The following MIS18BP1 variants were observed in gnomAD, a reference collection of about 807,000 sequenced individuals.
The protein encoded by MIS18BP1 is mis18-binding protein 1.
MIS18BP1 carries 72 observed loss-of-function variants against 116.1 expected under a neutral mutation model. That is an observed-to-expected ratio of 0.62 (90% CI 0.51 to 0.75). MIS18BP1 has a LOEUF of 0.75. Ranked by LOEUF, MIS18BP1 falls within the 30% of genes least tolerant of loss-of-function variation. The pLI is 0.00. For missense variants in MIS18BP1, 1,363 were observed against 1,303.2 expected, an observed-to-expected ratio of 1.05 and a Z score of -0.71; for synonymous variants, 386 against 427.0, an observed-to-expected ratio of 0.90 and a Z score of 1.18.
At chr14:45,251,912 CTTG>C (rs2139266564) in intron 1 of MIS18BP1, among the ~76,000 whole-genome samples, 1 of 152,266 alleles carries the variant, frequency 6.6e-6, no homozygotes, top group South Asian at 2.1e-4. Context: ...CCACTTCTAA[CTTG>C]TTTTTTCCTA....
chr14:45,206,456 T>A (rs1890520651), intron 14 of MIS18BP1: 1 of 248,074 alleles, frequency 4.0e-6, no homozygotes, highest in African/African-American at 2.3e-5. Flanking sequence ...CTGGCTAATC[T>A]TTGTATTTTT....
At position 45,224,215 on chromosome 14, in the gene MIS18BP1, G is replaced by C. The variant is rs767879421; in HGVS notation, c.2372C>G (p.Thr791Ser). 9 of 1,613,714 alleles carry C rather than the reference G, an allele frequency of 5.6e-6. No individual in the cohort carries two copies. Among genetic ancestry groups the C allele is most frequent in the Non-Finnish European group, 7.6e-6 (9 of 1,179,986 alleles). The change falls in exon 11 of 17, where the codon ACC becomes AGC. Residue 791 changes from threonine to serine, a missense_variant. Coordinates refer to ENST00000310806, the MANE Select transcript of MIS18BP1 (RefSeq NM_018353.5). ...TGCTTCTTTGGTGTTTCCTGCTTTG[G>C]TTTTCTTAACTTCAGCTTTCCTTTT... ...EIKRKAEVKK[T>S]KAGNTKEAVV...
chr14:45,218,803 T>G lies in MIS18BP1; in HGVS notation c.2670-349A>C, dbSNP rs145641502. 5.8e-4 allele frequency among the ~76,000 whole-genome samples: 88 copies of G among 152,212 alleles called. 2 individuals are homozygous for G. The East Asian group carries it at 0.015, about 26-fold the overall frequency. ...GAGATTTTGGCATGACCAAATTTTC[T>G]TCACTGTTACCTTAAATCTTATTGG... is the stretch of plus-strand genomic sequence containing the variant. On this transcript the variant is annotated intron_variant, in intron 11 of 16. Transcript: ENST00000310806.
chr14:45,209,177 C>T (rs1012766513), intron 14 of MIS18BP1, among the ~76,000 whole-genome samples: 2 of 151,646 alleles, frequency 1.3e-5, no homozygotes, highest in African/African-American at 4.9e-5. Flanking sequence ...CAATTATACA[C>T]ACACACACAC....
At position 45,242,291 on chromosome 14, in the gene MIS18BP1, T is replaced by G; in HGVS notation, c.886A>C (p.Lys296Gln). 1.2e-6 allele frequency: 2 copies of G among 1,614,116 alleles called. No homozygotes were observed. Among genetic ancestry groups the G allele is most frequent in the Non-Finnish European group, 1.7e-6 (2 of 1,180,014 alleles). The part of the protein sequence containing the change: ...ETLSTNCIPI[K>Q]NGSLLMVSDS... ...GAAACCATTAACAGGCTGCCATTTT[T>G]AATAGGAATACAATTAGTACTGAGA... The change falls in exon 4 of 17, where the codon AAA (lysine) becomes CAA (glutamine). Residue 296 changes from lysine to glutamine, a missense_variant. Coordinates refer to ENST00000310806, the MANE Select transcript of MIS18BP1 (RefSeq NM_018353.5).
chr14:45,213,653 C>G (rs1487976310), intron 13 of MIS18BP1, among the ~76,000 whole-genome samples: 2 of 152,122 alleles, frequency 1.3e-5, no homozygotes, highest in Non-Finnish European at 2.9e-5. Flanking sequence ...ATCAACAGAA[C>G]AAAACAAAAC....
intron 13 of MIS18BP1, among the ~76,000 whole-genome samples, chr14:45,212,567 T>C (rs896221589): frequency 6.6e-6 from 1 of 152,120 alleles, no homozygotes; most frequent in Non-Finnish European, 1.5e-5. Flanking sequence ...AAGCAATCTC[T>C]CAATAAACAG....
At chr14:45,207,595 G>A (rs1186489764) in intron 14 of MIS18BP1, among the ~76,000 whole-genome samples, 1 of 152,120 alleles carries the variant, frequency 6.6e-6, no homozygotes, top group East Asian at 1.9e-4. Flanking sequence ...AGGCGGTAGT[G>A]AGCCGAGATT....
At chr14:45,207,425 C>T (rs1291585961) in intron 14 of MIS18BP1, among the ~76,000 whole-genome samples, 1 of 152,074 alleles carries the variant, frequency 6.6e-6, no homozygotes, top group African/African-American at 2.4e-5. Context: ...CTGAGGCTGG[C>T]GGATTACCTG....
intron 6 of MIS18BP1, among the ~76,000 whole-genome samples, chr14:45,234,953 C>G (rs770836426): frequency 3.3e-5 from 5 of 152,136 alleles, no homozygotes; most frequent in Non-Finnish European, 5.9e-5. Flanking sequence ...CACAGTGGCT[C>G]ATGCCAGTAA....
chr14:45,247,554 T>C (rs549466151), intron 1 of MIS18BP1, among the ~76,000 whole-genome samples, 177 bp from the exon 2 acceptor site: 1 of 151,994 alleles, frequency 6.6e-6, no homozygotes, highest in African/African-American at 2.4e-5. Context: ...ACAAAAGAGC[T>C]GGGTGTGATG....
At chr14:45,234,351 TAAA>T (rs1008586070) in intron 6 of MIS18BP1, among the ~76,000 whole-genome samples, 2 of 131,140 alleles carry the variant, frequency 1.5e-5, no homozygotes, top group Non-Finnish European at 3.3e-5. Context: ...AAAAGAGAAA[TAAA>T]AAAAAAAAGG....
Position 45,246,966 on chromosome 14 carries a change from GTTTGC to G in MIS18BP1, c.316_320del (p.Ala106LeufsTer2). The stretch of plus-strand genomic sequence containing the variant: ...GAAATATTTTTCCTGGTGATTCATA[GTTTGC>G]TTTATTTTTTAATCCATCCTTGTTG... On this transcript the variant is annotated frameshift_variant, in exon 2 of 17. Transcript: ENST00000310806. LOFTEE classifies it high-confidence loss of function. The G allele has an allele frequency of 6.2e-7, 1 of 1,609,010 alleles. No homozygotes were observed. Among genetic ancestry groups the G allele is most frequent in the Non-Finnish European group, 8.5e-7 (1 of 1,178,830 alleles).
In MIS18BP1 at chr14:45,210,509, C is replaced by T; in HGVS notation, c.3023G>A (p.Ser1008Asn). The T allele has an allele frequency of 6.2e-7, 1 of 1,613,976 alleles. No individual in the cohort carries two copies. Among genetic ancestry groups the T allele is most frequent in the Non-Finnish European group, 8.5e-7 (1 of 1,179,930 alleles). Residue 1008 changes from serine to asparagine, a missense_variant, in exon 14 of 17, where the codon AGT becomes AAT. Transcript: ENST00000310806. ...TGGCAGAATATCATCATCATCTTCA[C>T]TGTCCTGGAAACTTGGCAACTAGAA... The part of the protein sequence containing the change: ...QRILLPSFQD[S>N]EDDDDILPNM...
intron 1 of MIS18BP1, among the ~76,000 whole-genome samples, chr14:45,247,812 T>G (rs1379255410): frequency 6.6e-6 from 1 of 152,182 alleles, no homozygotes; most frequent in Non-Finnish European, 1.5e-5. Context: ...GGCAGTTAAA[T>G]TTTAAGGCAG....
At chr14:45,235,669 CCA>C in intron 6 of MIS18BP1, 143 bp downstream of exon 6, 2 of 503,582 alleles carry the variant, frequency 4.0e-6, no homozygotes, top group Non-Finnish European at 6.2e-6. Flanking sequence ...AAAAAAATTA[CCA>C]GTTTTATATA....
At chr14:45,218,891 A>G (rs1347595089) in intron 11 of MIS18BP1, among the ~76,000 whole-genome samples, 1 of 129,598 alleles carries the variant, frequency 7.7e-6, no homozygotes, top group Admixed American at 8.0e-5. Flanking sequence ...TAAGCTATTA[A>G]AAAGTGTTAT....
intron 15 of MIS18BP1, 148 bp from the exon 16 acceptor site, chr14:45,204,601 G>A: frequency 1.8e-6 from 1 of 555,198 alleles, no homozygotes. Context: ...TCTGTGAAAT[G>A]CATAATTCTC....
At chr14:45,223,708 A>G (rs1211719574) in intron 11 of MIS18BP1, among the ~76,000 whole-genome samples, 2 of 152,230 alleles carry the variant, frequency 1.3e-5, no homozygotes, top group East Asian at 1.9e-4. Context: ...CCTCATACTT[A>G]GGCTTTCCTC....
Sources: allele counts gnomAD v4.1 joint callset (sites outside exome capture counted in the v4.1 genomes callset), GRCh38; gene constraint gnomAD v4.1.1; transcripts MANE v1.5; gene names NCBI Gene and HGNC (gene_info 2026-07-23, HGNC 2026-07-21).